Variants in SCART1 observed in about 807,000 individuals in gnomAD.
SCART1 encodes the protein scavenger receptor cysteine-rich domain-containing protein SCART1.
In SCART1, 62 loss-of-function variants were observed where a neutral mutation model predicts 36.2. The observed-to-expected ratio is 1.71, with a 90% CI of 1.40 to 2.12. SCART1 has a LOEUF of 2.12. Among genes scored for constraint, SCART1 ranks in the 30% most tolerant of loss-of-function variants. SCART1 has a pLI of 0.00. For missense variants in SCART1, 1,041 were observed against 540.5 expected (o/e 1.93, Z -9.18); for synonymous variants, 487 against 238.7 (o/e 2.04, Z -9.59).
Position 133,458,407 on chromosome 10 carries a change from C to G in SCART1, c.730C>G (p.Arg244Gly), listed in dbSNP as rs760182749. 5 of 701,976 alleles carry G rather than the reference C, an allele frequency of 7.1e-6. No individual in the cohort carries two copies. The South Asian group carries it at 7.4e-5, about 10-fold the overall frequency. The allele number at this position is 701,976 out of a possible 1,614,324, so 43.5% of individuals were successfully genotyped here. Residue 244 changes from arginine (R) to glycine (G), a missense_variant, in exon 4 of 12, where the codon CGC becomes GGC. By Grantham distance (125) the Arg-to-Gly change is moderately radical (BLOSUM62 -2). Coordinates refer to ENST00000640237, the Ensembl canonical transcript of SCART1. ...GGGCGGCGAGCACCCCTGCGCCGGG[C>G]GCCTGGAGGTGACCTGGGGCACCGT...
exon 10 of SCART1, chr10:133,466,348 A>T: frequency 1.4e-6 from 1 of 702,838 alleles, no homozygotes; most frequent in Non-Finnish European, 2.6e-6. Flanking sequence ...GGCTTTTCTG[A>T]TTCTGCCTCG....
exon 4 of SCART1, chr10:133,458,441 C>T (rs1413081152): frequency 1.1e-5 from 8 of 699,012 alleles, no homozygotes; most frequent in Middle Eastern, 2.5e-4. Flanking sequence ...GTCTGTGATG[C>T]GGCCCTGGAC....
At chr10:133,469,681 G>A (rs994031605), downstream of SCART1, among the ~76,000 whole-genome samples, 3 of 152,044 alleles carry the variant, frequency 2.0e-5, no homozygotes, top group African/African-American at 4.8e-5. Context: ...ACCACGACAC[G>A]TGTATACCTA....
chr10:133,465,537 C>CGAG, exon 9 of SCART1: 1 of 527,028 alleles, frequency 1.9e-6, no homozygotes. Context: ...ACCGCGCGCA[C>CGAG]GAGGAGGACG....
intron 1 of SCART1, among the ~76,000 whole-genome samples, chr10:133,455,134 G>A (rs1380215308): frequency 6.6e-6 from 1 of 152,136 alleles, no homozygotes; most frequent in Non-Finnish European, 1.5e-5. Context: ...AGTCGTGGTA[G>A]TGGGCGCCTA....
intron 2 of SCART1, chr10:133,457,032 C>G (rs1469265329): frequency 5.4e-6 from 3 of 558,346 alleles, no homozygotes; most frequent in African/African-American, 1.9e-5. Context: ...GCCAGGACCT[C>G]CTACCATTTT....
intron 6 of SCART1, among the ~76,000 whole-genome samples, chr10:133,462,123 C>T (rs1210857580): frequency 6.6e-6 from 1 of 152,220 alleles, no homozygotes; most frequent in Non-Finnish European, 1.5e-5. Context: ...CCGGGTGGGG[C>T]GGGGCACTCG....
exon 6 of SCART1, chr10:133,459,939 G>A (rs1298838703): frequency 1.8e-6 from 1 of 544,402 alleles, no homozygotes; most frequent in East Asian, 3.4e-5. Flanking sequence ...GTGGGGCACC[G>A]TGTGTGACGA....
chr10:133,461,458 C>T (rs889160517), intron 6 of SCART1, among the ~76,000 whole-genome samples: 10 of 152,178 alleles, frequency 6.6e-5, no homozygotes, highest in Admixed American at 4.6e-4. Context: ...TGGATTATTA[C>T]GTTTATTTCA....
intron 6 of SCART1, among the ~76,000 whole-genome samples, chr10:133,461,109 G>A (rs1010079678): frequency 5.9e-5 from 9 of 152,080 alleles, no homozygotes; most frequent in Admixed American, 6.5e-5. Context: ...ATACCTGAGC[G>A]TCTTTGTGTT....
In SCART1 at chr10:133,458,665, C is replaced by G; in HGVS notation, c.979+9C>G. 1 of 700,450 alleles carries G rather than the reference C, an allele frequency of 1.4e-6. No individual in the cohort carries two copies. Among genetic ancestry groups the G allele is most frequent in the South Asian group, 1.5e-5 (1 of 67,440 alleles). The allele number at this position is 700,450 out of a possible 1,614,324, so 43.4% of individuals were successfully genotyped here. The stretch of plus-strand genomic sequence containing the variant: ...GGGGCTCAGGTGCTCAGGTGAAGTC[C>G]TGTGTGTGGGCTCTGAAGGCTCAGC... On this transcript the variant is annotated intron_variant, in intron 4 of 11. Transcript: ENST00000640237.
At chr10:133,466,474 G>C (rs1850767501) in intron 10 of SCART1, 93 bp downstream of exon 10, 2 of 645,618 alleles carry the variant, frequency 3.1e-6, no homozygotes, top group Non-Finnish European at 5.6e-6. Flanking sequence ...GGGCAGGCGG[G>C]GTGCCCCACA....
chr10:133,458,194 C>G (rs1850643141), intron 3 of SCART1, 166 bp from the exon 4 acceptor site: 1 of 700,190 alleles, frequency 1.4e-6, no homozygotes, highest in Admixed American at 2.0e-5. Context: ...GCTCTGGGTG[C>G]CGGGTGGAAG....
intron 2 of SCART1, 51 bp from the exon 3 acceptor site, chr10:133,457,228 A>C: frequency 4.4e-6 from 3 of 684,872 alleles, no homozygotes; most frequent in Non-Finnish European, 7.9e-6. Flanking sequence ...CCGAGTGACC[A>C]TGCGGCCAGC....
At chr10:133,457,336 C>T (rs1457276663) in exon 3 of SCART1, 6 of 701,098 alleles carry the variant, frequency 8.6e-6, no homozygotes, top group Non-Finnish European at 1.3e-5. Flanking sequence ...GCGGGACTCC[C>T]CGAGATCAGA....
chr10:133,459,551 C>T (rs1266339844), exon 6 of SCART1: 1 of 683,028 alleles, frequency 1.5e-6, no homozygotes, highest in Non-Finnish European at 2.7e-6. Context: ...TGGAGGTCTC[C>T]CTGGATGGCG....
At chr10:133,458,151 G>A in intron 3 of SCART1, 1 of 697,548 alleles carries the variant, frequency 1.4e-6, no homozygotes, top group Non-Finnish European at 2.6e-6. Flanking sequence ...CCCTGACCCT[G>A]ACCTTGGTGA....
chr10:133,462,408 T>C (rs1564835049), intron 6 of SCART1, among the ~76,000 whole-genome samples: 1 of 152,248 alleles, frequency 6.6e-6, no homozygotes, highest in Non-Finnish European at 1.5e-5. Flanking sequence ...AAATACTATA[T>C]TGCTAATATC....
chr10:133,465,797 A>G (rs1850758620), intron 9 of SCART1: 2 of 695,370 alleles, frequency 2.9e-6, no homozygotes, highest in African/African-American at 1.8e-5. Flanking sequence ...TGTTTATTCC[A>G]ATCCTTGTTC....
Sources: allele counts gnomAD v4.1 joint callset (sites outside exome capture counted in the v4.1 genomes callset), GRCh38; gene constraint gnomAD v4.1.1; transcripts MANE v1.5; gene names NCBI Gene and HGNC (gene_info 2026-07-23, HGNC 2026-07-21).